The following SRGAP1 variants were observed in gnomAD, a reference collection of about 807,000 sequenced individuals.
SRGAP1 encodes the protein SLIT-ROBO Rho GTPase-activating protein 1.
Under a neutral mutation model 121.9 loss-of-function variants are expected in SRGAP1, and 43 were observed. The observed-to-expected ratio is 0.35, with a 90% confidence interval of 0.28 to 0.46. The LOEUF (loss-of-function observed/expected upper bound fraction) is 0.46, where lower values mean the gene tolerates loss of function less well. Among genes scored for constraint, SRGAP1 ranks in the 20% least tolerant of loss-of-function variants. SRGAP1 has a pLI of 1.00. For missense variants in SRGAP1, 1,102 were observed against 1,350.9 expected (o/e 0.82, Z 2.89); for synonymous variants, 447 against 485.4 (o/e 0.92, Z 1.04).
intron 21 of SRGAP1, among the ~76,000 whole-genome samples, chr12:64,129,975 G>GGTTGTTGTTGTTGTT (rs57651653): frequency 0.014 from 2,125 of 151,220 alleles, 24 homozygotes; most frequent in Non-Finnish European, 0.016. Flanking sequence ...AGCAGGTCGT[G>GGTTGTTGTTGTTGTT]GTTGTTGTTG....
intron 1 of SRGAP1, among the ~76,000 whole-genome samples, chr12:63,909,936 G>A (rs1234465419): frequency 2.0e-5 from 3 of 152,176 alleles, no homozygotes; most frequent in Non-Finnish European, 1.5e-5. Context: ...CCACATTATG[G>A]AAGGTAATCT....
chr12:63,913,194 CTTTTTTTTTTTT>C (rs759566545), intron 1 of SRGAP1, among the ~76,000 whole-genome samples: 11 of 59,044 alleles, frequency 1.9e-4, no homozygotes, highest in Admixed American at 7.8e-4. Flanking sequence ...GTAAATCCTT[CTTTTTTTTTTTT>C]TTTTTTTTTT....
At chr12:64,060,926 C>G (rs2035440064) in intron 6 of SRGAP1, among the ~76,000 whole-genome samples, 1 of 152,156 alleles carries the variant, frequency 6.6e-6, no homozygotes, top group Admixed American at 6.5e-5. Flanking sequence ...GGCACTTAAT[C>G]CATGGCCAAT....
intron 3 of SRGAP1, among the ~76,000 whole-genome samples, chr12:63,998,475 G>T (rs1015825140): frequency 6.6e-6 from 1 of 152,144 alleles, no homozygotes; most frequent in Admixed American, 6.6e-5. Context: ...CATCTTCTCT[G>T]TTCTATCACA....
At chr12:63,987,824 C>T (rs1347100024) in intron 2 of SRGAP1, among the ~76,000 whole-genome samples, 3 of 152,136 alleles carry the variant, frequency 2.0e-5, no homozygotes, top group African/African-American at 7.2e-5. Context: ...TTTATACCAG[C>T]CCGTGATAAA....
At chr12:64,101,244 T>C (rs1442117568) in intron 15 of SRGAP1, among the ~76,000 whole-genome samples, 1 of 152,040 alleles carries the variant, frequency 6.6e-6, no homozygotes, top group Non-Finnish European at 1.5e-5. Flanking sequence ...TCTAAGAGTT[T>C]GCATAAGGCA....
At position 64,146,319 on chromosome 12, in the gene SRGAP1, G is replaced by C. The variant is rs995467510; in HGVS notation, c.*3647G>C. The C allele has an allele frequency of 6.6e-5, 10 of 152,194 alleles. No individual in the cohort carries two copies. Among genetic ancestry groups the C allele is most frequent in the Admixed American group, 5.9e-4 (9 of 15,292 alleles). 9.4% of individuals were successfully genotyped at this position (152,194 alleles called of 1,614,324 possible). ...GTGAACAGTTATCAGTGGATATAGT[G>C]CTCCAAGAGTCAAATTGTATCCGTT... On this transcript the variant is annotated 3_prime_UTR_variant, in exon 22 of 22. Coordinates refer to ENST00000355086, the MANE Select transcript of SRGAP1 (RefSeq NM_020762.4).
intron 4 of SRGAP1, among the ~76,000 whole-genome samples, chr12:64,029,661 A>G (rs1593059412): frequency 6.6e-6 from 1 of 152,246 alleles, no homozygotes; most frequent in East Asian, 1.9e-4. Flanking sequence ...AACTCCGTAC[A>G]CTCTAATATT....
At chr12:63,961,098 G>A (rs984720023) in intron 1 of SRGAP1, among the ~76,000 whole-genome samples, 5 of 151,974 alleles carry the variant, frequency 3.3e-5, no homozygotes, top group African/African-American at 1.2e-4. Context: ...CAGATATCAC[G>A]TACATAAGCC....
At chr12:63,940,937 C>T (rs111662482) in intron 1 of SRGAP1, among the ~76,000 whole-genome samples, 5 of 152,054 alleles carry the variant, frequency 3.3e-5, no homozygotes, top group Admixed American at 6.6e-5. Context: ...ATTACCTTCC[C>T]GCGGCCTGAT....
chr12:63,846,451 TG>T (rs1898905256), intron 1 of SRGAP1, among the ~76,000 whole-genome samples: 1 of 152,174 alleles, frequency 6.6e-6, no homozygotes, highest in Non-Finnish European at 1.5e-5. Context: ...GAGCACTAAT[TG>T]GCAAATGCAC....
chr12:63,966,722 G>A (rs1163042671), intron 1 of SRGAP1, among the ~76,000 whole-genome samples: 1 of 152,140 alleles, frequency 6.6e-6, no homozygotes, highest in Non-Finnish European at 1.5e-5. Context: ...GAGGTAACAT[G>A]AAGGGAGAGG....
intron 6 of SRGAP1, among the ~76,000 whole-genome samples, chr12:64,054,517 A>G (rs1307264729): frequency 1.3e-5 from 2 of 152,146 alleles, no homozygotes; most frequent in African/African-American, 4.8e-5. Flanking sequence ...TTGTCCATGG[A>G]AACCTGTCCC....
At position 64,127,446 on chromosome 12, in the gene SRGAP1, A is replaced by G. The variant is rs1039625138; in HGVS notation, c.2406-144A>G. 372 of 766,340 alleles carry G rather than the reference A, an allele frequency of 4.9e-4. 2 individuals are homozygous for G. Among genetic ancestry groups the G allele is most frequent in the Non-Finnish European group, 1.2e-4 (63 of 518,382 alleles). 47.5% of individuals were successfully genotyped at this position (766,340 alleles called of 1,614,324 possible). Reference sequence around the variant, plus strand: ...CTTTTATAATGAAAAGAGAAAAGTTATTTTAATAAAAGAAGGGCTTTCATG... The same window carrying G: ...CTTTTATAATGAAAAGAGAAAAGTTGTTTTAATAAAAGAAGGGCTTTCATG... On this transcript the variant is annotated intron_variant, in intron 19 of 21. Coordinates refer to ENST00000355086, the MANE Select transcript of SRGAP1 (RefSeq NM_020762.4).
At chr12:63,969,718 C>A (rs772554436) in intron 1 of SRGAP1, among the ~76,000 whole-genome samples, 1 of 151,570 alleles carries the variant, frequency 6.6e-6, no homozygotes, top group African/African-American at 2.4e-5. Context: ...GGCGTGAACC[C>A]GGGAGGCAGA....
intron 1 of SRGAP1, among the ~76,000 whole-genome samples, chr12:63,881,746 T>C (rs977584484): frequency 2.0e-5 from 3 of 152,210 alleles, no homozygotes; most frequent in African/African-American, 4.8e-5. Flanking sequence ...CAATAGCAGT[T>C]GTATTTGTAA....
At chr12:64,038,374 C>G (rs927113860) in intron 4 of SRGAP1, among the ~76,000 whole-genome samples, 3 of 152,016 alleles carry the variant, frequency 2.0e-5, no homozygotes, top group Non-Finnish European at 2.9e-5. Context: ...GCATCCATGA[C>G]GACCTTGTAA....
At chr12:63,967,789 A>C (rs1397927198) in intron 1 of SRGAP1, among the ~76,000 whole-genome samples, 3 of 152,220 alleles carry the variant, frequency 2.0e-5, no homozygotes, top group Non-Finnish European at 2.9e-5. Context: ...CTTTGTTAGC[A>C]AAAGTGATGA....
At chr12:64,141,196 G>A (rs2036952792) in intron 21 of SRGAP1, among the ~76,000 whole-genome samples, 1 of 147,274 alleles carries the variant, frequency 6.8e-6, no homozygotes, top group Admixed American at 6.7e-5. Flanking sequence ...TGGGTGCAGT[G>A]CACCAGCATG....
Sources: gnomAD v4.1 joint callset for allele counts (sites outside exome capture counted in the v4.1 genomes callset) on GRCh38, gnomAD v4.1.1 for gene constraint, MANE v1.5 for transcripts, NCBI Gene and HGNC (gene_info 2026-07-23, HGNC 2026-07-21) for gene names.